Variants in TRMT11 observed in about 807,000 individuals in gnomAD.
TRMT11 encodes the protein tRNA methyltransferase 11.
Under a neutral mutation model 62.8 loss-of-function variants are expected in TRMT11, and 53 were observed. The ratio of observed to expected loss-of-function variants is 0.84; its 90% CI spans 0.68 to 1.06. The LOEUF is 1.06. Among genes scored for constraint, TRMT11 ranks in the 50% least tolerant of loss-of-function variants. TRMT11 has a pLI of 0.00. For synonymous variants in TRMT11, 188 were observed against 190.3 expected (o/e 0.99, Z 0.10); for missense variants, 556 against 553.4 (o/e 1.00, Z -0.05).
At chr6:126,113,120 C>T (rs1463907337) in intron 18 of TRMT11, among the ~76,000 whole-genome samples, 1 of 152,014 alleles carries the variant, frequency 6.6e-6, no homozygotes, top group African/African-American at 2.4e-5. Context: ...AACCATGATA[C>T]AATGTGCTAA....
chr6:125,986,560 T>C lies in TRMT11; in HGVS notation c.10T>C (p.Ser4Pro). 6.3e-7 allele frequency: 1 copy of C among 1,590,412 alleles called. No individual in the cohort carries two copies. Among genetic ancestry groups the C allele is most frequent in the South Asian group, 1.1e-5 (1 of 87,230 alleles). The change falls in exon 1 of 13, where the codon TCG (serine) becomes CCG (proline). Residue 4 changes from serine (S) to proline (P), a missense_variant. Ser to Pro is a moderately conservative substitution (Grantham distance 74). Transcript: ENST00000334379. MAL[S>P]CTLNRYLLLM... ...ACGGTGGGCAGCTGCAATGGCGCTGTCGTGTACCCTTAACAGGTATCTGCT... is the reference window on the plus strand; with the variant it reads ...ACGGTGGGCAGCTGCAATGGCGCTGCCGTGTACCCTTAACAGGTATCTGCT...
intron 21 of TRMT11, among the ~76,000 whole-genome samples, chr6:126,149,971 C>A (rs539543317): frequency 6.6e-6 from 1 of 152,290 alleles, no homozygotes; most frequent in South Asian, 2.1e-4. Flanking sequence ...ACCCTTACTT[C>A]CCAAGTGATA....
At chr6:126,078,368 T>G (rs1777079606) in intron 17 of TRMT11, among the ~76,000 whole-genome samples, 2 of 152,080 alleles carry the variant, frequency 1.3e-5, no homozygotes, top group African/African-American at 4.8e-5. Context: ...CATCTCTAAC[T>G]GCATCTGGTT....
intron 21 of TRMT11, among the ~76,000 whole-genome samples, chr6:126,116,631 G>A (rs922888789): frequency 3.9e-5 from 6 of 152,064 alleles, no homozygotes; most frequent in African/African-American, 1.2e-4. Flanking sequence ...ATAAATCCAC[G>A]TGGATATGTA....
At chr6:126,062,133 A>G (rs1400754955) in intron 17 of TRMT11, among the ~76,000 whole-genome samples, 1 of 152,178 alleles carries the variant, frequency 6.6e-6, no homozygotes, top group Non-Finnish European at 1.5e-5. Flanking sequence ...AGATCCGTCC[A>G]CCTTGGCAGC....
downstream of TRMT11, among the ~76,000 whole-genome samples, chr6:126,207,669 G>A (rs569482302): frequency 7.9e-5 from 12 of 152,280 alleles, no homozygotes; most frequent in East Asian, 1.9e-4. Flanking sequence ...TCATGGCCAC[G>A]CTGTAGTTAG....
intron 1 of TRMT11, among the ~76,000 whole-genome samples, chr6:126,197,380 T>G (rs1352170331): frequency 6.6e-6 from 1 of 152,218 alleles, no homozygotes; most frequent in Non-Finnish European, 1.5e-5. Flanking sequence ...ATAAGTGAAT[T>G]GTTCAGTCTT....
chr6:126,194,362 C>T (rs1778640471), intron 1 of TRMT11, among the ~76,000 whole-genome samples: 1 of 152,154 alleles, frequency 6.6e-6, no homozygotes, highest in African/African-American at 2.4e-5. Context: ...TTATTCTCCT[C>T]TTTGTGCTCC....
chr6:125,986,804 A>T (rs916656167), intron 1 of TRMT11, 182 bp downstream of exon 1: 6 of 595,390 alleles, frequency 1.0e-5, no homozygotes, highest in Non-Finnish European at 1.8e-5. Context: ...GTGTGAGAGA[A>T]GTCCGAGACC....
At chr6:126,049,541 A>G (rs539646003) in intron 16 of TRMT11, among the ~76,000 whole-genome samples, 4 of 152,076 alleles carry the variant, frequency 2.6e-5, no homozygotes, top group East Asian at 1.9e-4. Context: ...CCTGTAATAC[A>G]TGTTCTAAGG....
chr6:126,050,693 G>A (rs1237001441), intron 16 of TRMT11, among the ~76,000 whole-genome samples: 2 of 145,696 alleles, frequency 1.4e-5, no homozygotes, highest in Non-Finnish European at 2.9e-5. Context: ...AGTGAGATGT[G>A]GTCTCAAAAA....
At chr6:126,121,800 T>A (rs1445461924) in intron 21 of TRMT11, among the ~76,000 whole-genome samples, 1 of 152,054 alleles carries the variant, frequency 6.6e-6, no homozygotes, top group African/African-American at 2.4e-5. Flanking sequence ...GCAGGGTAGT[T>A]AATTTCTGGG....
the TRMT11 span, among the ~76,000 whole-genome samples, chr6:126,244,907 C>A: frequency 6.6e-6 from 1 of 152,092 alleles, no homozygotes; most frequent in African/African-American, 2.4e-5. Flanking sequence ...AGACGTTTAA[C>A]TTTTTATGAC....
intron 21 of TRMT11, among the ~76,000 whole-genome samples, chr6:126,155,506 C>A (rs993713459): frequency 6.6e-6 from 1 of 152,214 alleles, no homozygotes; most frequent in Non-Finnish European, 1.5e-5. Context: ...CCCCGCAAAT[C>A]TTAACTCATT....
chr6:126,228,601 C>T, the TRMT11 span, among the ~76,000 whole-genome samples: 1 of 152,130 alleles, frequency 6.6e-6, no homozygotes, highest in Admixed American at 6.5e-5. Context: ...GTTCATTAAG[C>T]GCCTGCTGGT....
chr6:126,184,197 G>C lies in TRMT11; in HGVS notation n.143+6862G>C, dbSNP rs189583683. Among the ~76,000 whole-genome samples the C allele has an allele frequency of 1.9e-3, 296 of 152,252 alleles. 2 individuals are homozygous for C. The highest frequency in any genetic ancestry group is 6.8e-3 in the African/African-American group (282 of 41,562). On this transcript the variant is annotated intron_variant and non_coding_transcript_variant, in intron 1 of 3. Coordinates refer to the TRMT11 transcript ENST00000444229. ...TAATGCACAGTGCAAACTATGTTAA[G>C]AATCCAGGATTTTTGATTTCTAGTT... is the stretch of plus-strand genomic sequence containing the variant.
At chr6:126,082,106 C>T (rs981320407) in intron 17 of TRMT11, among the ~76,000 whole-genome samples, 1 of 152,042 alleles carries the variant, frequency 6.6e-6, no homozygotes, top group African/African-American at 2.4e-5. Flanking sequence ...GTGGACAGTG[C>T]AATCTATCTT....
chr6:126,062,626 T>C (rs974836711), intron 17 of TRMT11, among the ~76,000 whole-genome samples: 10 of 152,200 alleles, frequency 6.6e-5, no homozygotes, highest in Admixed American at 4.6e-4. Flanking sequence ...GAATAACTTA[T>C]CAATCTATCA....
At chr6:126,023,086 T>C (rs1796059823) in intron 12 of TRMT11, among the ~76,000 whole-genome samples, 1 of 152,204 alleles carries the variant, frequency 6.6e-6, no homozygotes. Context: ...ACTTTGCTGC[T>C]CTTATTTTAT....
Sources: allele counts gnomAD v4.1 joint callset (sites outside exome capture counted in the v4.1 genomes callset), GRCh38; gene constraint gnomAD v4.1.1; transcripts MANE v1.5; gene names NCBI Gene and HGNC (gene_info 2026-07-23, HGNC 2026-07-21).